Variants in SHB observed in about 807,000 individuals in gnomAD.
SHB encodes SH2 domain containing adaptor protein B.
In SHB, 20 loss-of-function variants were observed where a neutral mutation model predicts 52.3. That is an observed-to-expected ratio of 0.38 (90% CI 0.27 to 0.56). SHB has a LOEUF of 0.56. Ranked by LOEUF, SHB falls within the 20% of genes least tolerant of loss-of-function variation. The probability of loss-of-function intolerance (pLI) is 0.71; values close to 1 mark genes in which losing one functional copy is unlikely to be tolerated. For synonymous variants in SHB, 397 were observed against 316.5 expected, an observed-to-expected ratio of 1.25 and a Z score of -2.70; for missense variants, 825 against 723.3, an observed-to-expected ratio of 1.14 and a Z score of -1.61.
intron 3 of SHB, among the ~76,000 whole-genome samples, chr9:37,957,590 G>T (rs1832650247): frequency 6.6e-6 from 1 of 152,200 alleles, no homozygotes; most frequent in South Asian, 2.1e-4. Flanking sequence ...CTGCTACCCA[G>T]CAGTGACACC....
rs751675570 is a variant in SHB at position 38,015,389 on chromosome 9, T to C, written c.838+622A>G. The C allele has an allele frequency of 7.1e-5, 50 of 702,870 alleles. No individual in the cohort carries two copies. In the Admixed American group the frequency reaches 9.6e-4, roughly 14 times the overall value. 43.5% of individuals were successfully genotyped at this position (702,870 alleles called of 1,614,324 possible). On this transcript the variant is annotated intron_variant, in intron 2 of 5. Transcript: ENST00000377707. The stretch of plus-strand genomic sequence containing the variant: ...TGCTGCATACCCAGCCACATTCTTC[T>C]TGACTCCACACAATTGCTTTGACAA...
rs1212322497 is a variant in SHB at position 37,955,894 on chromosome 9, C to T, written c.1215G>A (p.Leu405=). ...TCCCAAGAACTTACATTTGCTTCTC[C>T]AGGGGGACGGCAGGATCCACCCTTT... ...LGERVDPAVP[L]EKQIWYHGAI... The change falls in exon 4 of 6, where the codon CTG becomes CTA. Residue 405 remains leucine, a synonymous_variant. Transcript: ENST00000377707. The T allele has an allele frequency of 6.2e-7, 1 of 1,613,624 alleles. No homozygotes were observed. Among genetic ancestry groups the T allele is most frequent in the East Asian group, 2.2e-5 (1 of 44,846 alleles).
At chr9:37,934,078 C>T (rs1470064784) in intron 5 of SHB, among the ~76,000 whole-genome samples, 1 of 152,212 alleles carries the variant, frequency 6.6e-6, no homozygotes. Flanking sequence ...GTCTGTCCAG[C>T]TTGGCCATCA....
chr9:38,050,617 C>T (rs1369784992), intron 1 of SHB, among the ~76,000 whole-genome samples: 4 of 151,908 alleles, frequency 2.6e-5, no homozygotes, highest in South Asian at 2.1e-4. Flanking sequence ...TGAAGGTGGT[C>T]GTCAGAAATG....
intron 1 of SHB, among the ~76,000 whole-genome samples, chr9:38,055,248 G>T (rs570202803): frequency 1.3e-5 from 2 of 152,280 alleles, no homozygotes; most frequent in East Asian, 3.9e-4. Context: ...TATTCCCCAT[G>T]AACACTCCAC....
chr9:37,976,124 C>T (rs1213760868), intron 2 of SHB, among the ~76,000 whole-genome samples: 1 of 152,228 alleles, frequency 6.6e-6, no homozygotes, highest in African/African-American at 2.4e-5. Context: ...CAAACTCTGG[C>T]TCCCGGGTTT....
intron 1 of SHB, among the ~76,000 whole-genome samples, chr9:38,038,900 T>C (rs886943345): frequency 6.6e-5 from 10 of 151,966 alleles, no homozygotes; most frequent in African/African-American, 1.7e-4. Flanking sequence ...AGGGAGTGTG[T>C]GCCAAAGAGA....
chr9:38,025,900 AGAAC>A (rs879607116), intron 1 of SHB, among the ~76,000 whole-genome samples: 1 of 152,200 alleles, frequency 6.6e-6, no homozygotes, highest in Non-Finnish European at 1.5e-5. Context: ...AGCGGGTGAC[AGAAC>A]TAGACTCCCA....
intron 2 of SHB, among the ~76,000 whole-genome samples, chr9:37,980,827 C>A (rs770366145): frequency 6.6e-6 from 1 of 152,162 alleles, no homozygotes; most frequent in Non-Finnish European, 1.5e-5. Flanking sequence ...CCTCGTACAT[C>A]CCCAGCTGAG....
At chr9:37,939,250 A>C (rs1832410031) in intron 5 of SHB, among the ~76,000 whole-genome samples, 1 of 152,202 alleles carries the variant, frequency 6.6e-6, no homozygotes, top group Non-Finnish European at 1.5e-5. Flanking sequence ...CCTGAGTGCA[A>C]ATGGAGAACT....
At chr9:38,014,371 C>G (rs969831378) in intron 2 of SHB, among the ~76,000 whole-genome samples, 1 of 152,260 alleles carries the variant, frequency 6.6e-6, no homozygotes, top group Admixed American at 6.5e-5. Flanking sequence ...TGGAGCTGGT[C>G]CTGGGGCTTC....
chr9:38,011,495 T>C (rs777161738), intron 2 of SHB, among the ~76,000 whole-genome samples: 2 of 152,160 alleles, frequency 1.3e-5, no homozygotes, highest in Admixed American at 6.5e-5. Flanking sequence ...ATTCAGTTGG[T>C]CTCAGGTGCT....
rs1821205281 is a variant in SHB at position 38,016,001 on chromosome 9, C to T, written c.838+10G>A. ...CCAGCTGTGAGCCCCTGCGCTTCAGCTCCACTTACCTGTCATGATCCTCTG... is the reference window on the plus strand; with the variant it reads ...CCAGCTGTGAGCCCCTGCGCTTCAGTTCCACTTACCTGTCATGATCCTCTG... On this transcript the variant is annotated intron_variant, in intron 2 of 5. Coordinates refer to ENST00000377707, the MANE Select transcript of SHB (RefSeq NM_003028.3). 1.2e-6 allele frequency: 2 copies of T among 1,613,740 alleles called. No homozygotes were observed. Among genetic ancestry groups the T allele is most frequent in the Non-Finnish European group, 1.7e-6 (2 of 1,179,866 alleles).
At chr9:38,051,267 C>T (rs1180788146) in intron 1 of SHB, among the ~76,000 whole-genome samples, 3 of 151,918 alleles carry the variant, frequency 2.0e-5, no homozygotes, top group African/African-American at 7.3e-5. Context: ...TGGTGAAACC[C>T]TGTCTCTACT....
At chr9:37,956,730 C>A (rs1385362224) in intron 3 of SHB, among the ~76,000 whole-genome samples, 1 of 152,188 alleles carries the variant, frequency 6.6e-6, no homozygotes, top group Non-Finnish European at 1.5e-5. Context: ...GGAGACACCA[C>A]AAAGAGCAGA....
At chr9:38,019,298 G>A (rs956772773) in intron 1 of SHB, among the ~76,000 whole-genome samples, 1 of 152,214 alleles carries the variant, frequency 6.6e-6, no homozygotes. Context: ...GGCTTCCACA[G>A]GTTTGTCCTC....
chr9:37,979,467 C>T (rs905339808), intron 2 of SHB, among the ~76,000 whole-genome samples: 8 of 152,032 alleles, frequency 5.3e-5, no homozygotes, highest in African/African-American at 1.9e-4. Context: ...GCGGCCATGG[C>T]GGGGTCTGCC....
intron 1 of SHB, among the ~76,000 whole-genome samples, chr9:38,035,474 T>A (rs1001857040): frequency 6.6e-6 from 1 of 152,076 alleles, no homozygotes; most frequent in Non-Finnish European, 1.5e-5. Context: ...TGCTCCAACC[T>A]TATAAAACTG....
intron 1 of SHB, among the ~76,000 whole-genome samples, chr9:38,016,808 G>A (rs1161777125): frequency 2.6e-5 from 4 of 152,306 alleles, no homozygotes; most frequent in African/African-American, 9.6e-5. Flanking sequence ...GTAAACTGAG[G>A]TCCAGTGTGA....
Sources: gnomAD v4.1 joint callset for allele counts (sites outside exome capture counted in the v4.1 genomes callset) on GRCh38, gnomAD v4.1.1 for gene constraint, MANE v1.5 for transcripts, NCBI Gene and HGNC (gene_info 2026-07-23, HGNC 2026-07-21) for gene names.